The following MESD variants were observed in gnomAD, a reference collection of about 807,000 sequenced individuals.
MESD encodes LRP chaperone MESD.
Under a neutral mutation model 12.9 loss-of-function variants are expected in MESD, and 7 were observed. The observed-to-expected ratio is 0.54, with a 90% confidence interval of 0.31 to 1.02. MESD has a LOEUF of 1.02. MESD is among the 50% of genes least tolerant of loss of function. MESD has a pLI of 0.05. For missense variants in MESD, 342 were observed against 296.7 expected, an observed-to-expected ratio of 1.15 and a Z score of -1.12; for synonymous variants, 126 against 115.6, an observed-to-expected ratio of 1.09 and a Z score of -0.58.
At chr15:80,982,828 C>G (rs28562234) in intron 1 of MESD, among the ~76,000 whole-genome samples, 9,519 of 152,178 alleles carry the variant, frequency 0.063, 368 homozygotes, top group Middle Eastern at 0.18. Context: ...ACCTTGTAAT[C>G]CCAGCACTTT....
chr15:80,963,745 T>C (rs529195469), intron 3 of MESD, among the ~76,000 whole-genome samples: 6 of 152,070 alleles, frequency 3.9e-5, no homozygotes, highest in South Asian at 2.1e-4. Flanking sequence ...ATTATCTCAA[T>C]AGATGCAAAA....
intron 3 of MESD, among the ~76,000 whole-genome samples, chr15:80,960,064 G>T (rs1369524687): frequency 6.6e-6 from 1 of 152,086 alleles, no homozygotes; most frequent in African/African-American, 2.4e-5. Context: ...GAACAAAGGG[G>T]GTTTAAGACA....
At chr15:80,956,762 C>G (rs1042721444) in intron 3 of MESD, among the ~76,000 whole-genome samples, 10 of 152,090 alleles carry the variant, frequency 6.6e-5, no homozygotes, top group African/African-American at 2.4e-4. Context: ...ACAAGCAAAA[C>G]AGATACAAGG....
chr15:80,974,600 T>TAAA (rs201950219), downstream of MESD, among the ~76,000 whole-genome samples: 467 of 132,392 alleles, frequency 3.5e-3, 3 homozygotes, highest in Middle Eastern at 0.028. Flanking sequence ...GTATCAGAGC[T>TAAA]AAAAAAAAAA....
At chr15:80,981,809 C>G in intron 2 of MESD, 141 bp downstream of exon 2, 1 of 644,316 alleles carries the variant, frequency 1.6e-6, no homozygotes, top group Middle Eastern at 4.2e-4. Flanking sequence ...GAGCCGAGAT[C>G]ACGCCGCTGC....
At chr15:80,985,520 G>T (rs367665559) in intron 1 of MESD, among the ~76,000 whole-genome samples, 2 of 151,842 alleles carry the variant, frequency 1.3e-5, no homozygotes. Flanking sequence ...CCATAACATC[G>T]GTTATAGTCT....
chr15:80,989,398 G>A (rs1209424389), intron 1 of MESD, among the ~76,000 whole-genome samples, 181 bp downstream of exon 1: 1 of 152,152 alleles, frequency 6.6e-6, no homozygotes, highest in African/African-American at 2.4e-5. Flanking sequence ...GGGTCAGCAG[G>A]GCGCGCGGGT....
chr15:80,959,059 G>C (rs767480708), intron 3 of MESD, among the ~76,000 whole-genome samples: 1 of 152,250 alleles, frequency 6.6e-6, no homozygotes, highest in African/African-American at 2.4e-5. Context: ...GGCTCCAAGA[G>C]AACCCCTCTT....
chr15:80,989,431 C>T, intron 1 of MESD, 148 bp downstream of exon 1: 1 of 944,026 alleles, frequency 1.1e-6, no homozygotes, highest in South Asian at 1.6e-5. Flanking sequence ...GGAGGGTCAA[C>T]AGTGGCTTCA....
chr15:80,982,759 G>A (rs1375112207), intron 1 of MESD, among the ~76,000 whole-genome samples: 4 of 152,162 alleles, frequency 2.6e-5, no homozygotes, highest in Non-Finnish European at 4.4e-5. Context: ...TGACAGGGGT[G>A]TAGATTACAC....
At chr15:80,955,616 C>CGTGTGTGTGTGT (rs536028552) in intron 3 of MESD, among the ~76,000 whole-genome samples, 5,530 of 144,916 alleles carry the variant, frequency 0.038, 122 homozygotes, top group Middle Eastern at 0.1. Flanking sequence ...TGTGTTTGTG[C>CGTGTGTGTGTGT]GTGTGTGTGT....
chr15:80,955,538 C>T (rs1383164340), intron 3 of MESD, among the ~76,000 whole-genome samples: 1 of 150,726 alleles, frequency 6.6e-6, no homozygotes, highest in Admixed American at 6.6e-5. Context: ...CCCAGATCAG[C>T]TGAATCAGAA....
At chr15:80,968,458 C>T (rs73507436) in intron 3 of MESD, among the ~76,000 whole-genome samples, 3,829 of 152,280 alleles carry the variant, frequency 0.025, 170 homozygotes, top group African/African-American at 0.087. Flanking sequence ...CCCCTACAAG[C>T]TTCTGTCTAG....
At chr15:80,956,282 A>T (rs1901982543) in intron 3 of MESD, among the ~76,000 whole-genome samples, 1 of 152,224 alleles carries the variant, frequency 6.6e-6, no homozygotes. Context: ...AGCTATGATG[A>T]CATGAAGTGT....
chr15:80,960,809 C>T (rs1450290395), intron 3 of MESD, among the ~76,000 whole-genome samples: 1 of 152,126 alleles, frequency 6.6e-6, no homozygotes, highest in Non-Finnish European at 1.5e-5. Context: ...AATTCTACAC[C>T]CTTCTCTGCC....
intron 1 of MESD, 47 bp downstream of exon 1, chr15:80,989,532 G>A: frequency 1.9e-6 from 3 of 1,582,024 alleles, no homozygotes; most frequent in Non-Finnish European, 2.6e-6. Flanking sequence ...ATAGGGAACA[G>A]GGTCCCGCAC....
rs775882244 is a variant in MESD at position 80,982,039 on chromosome 15, A to G, written c.357T>C (p.Thr119=). Residue 119 remains threonine, a synonymous_variant, in exon 2 of 3, where the codon ACT becomes ACC. Coordinates refer to ENST00000261758, the MANE Select transcript of MESD (RefSeq NM_015154.3). ...CCTTCTCAGTAGGGCTTCCTGATAC[A>G]GTGACAAACATCATGAGAGTCTTCC... ...KKGKTLMMFV[T]VSGSPTEKET... 39 of 1,614,028 alleles carry G rather than the reference A, an allele frequency of 2.4e-5. No homozygotes were observed. Among genetic ancestry groups the G allele is most frequent in the Non-Finnish European group, 3.1e-5 (36 of 1,180,038 alleles).
rs955246479 is a variant in MESD, at chr15:80,976,132, G to C, written c.*3087C>G. On this transcript the variant is annotated 3_prime_UTR_variant, in exon 3 of 3. Transcript: ENST00000261758. ...TCCTGCCTCAGCCACCTGAGTAGCT[G>C]GGATTACAGGCCCGCACCACCACAC... 11 of 152,536 alleles carry C rather than the reference G, an allele frequency of 7.2e-5. No individual in the cohort carries two copies. Among genetic ancestry groups the C allele is most frequent in the African/African-American group, 2.4e-4 (10 of 41,564 alleles). The allele number at this position is 152,536 out of a possible 1,614,324, so 9.4% of individuals were successfully genotyped here. A position where few individuals can be genotyped will look rare whatever the true frequency, so the allele number is the denominator to read the frequency against.
In MESD at chr15:80,975,824, C is replaced by A. The variant is rs1292091723; in HGVS notation, c.*3395G>T. 2 of 151,996 alleles carry A rather than the reference C, an allele frequency of 1.3e-5. No individual in the cohort carries two copies. Among genetic ancestry groups the A allele is most frequent in the African/African-American group, 4.8e-5 (2 of 41,360 alleles). The allele number at this position is 151,996 out of a possible 1,614,324, so 9.4% of individuals were successfully genotyped here. ...AAAACAAACAAGACAAAAAGGAAGA[C>A]AAATTCATTAAAAACAGGACATTTC... On this transcript the variant is annotated 3_prime_UTR_variant, in exon 3 of 3. Transcript: ENST00000261758.
Sources: gnomAD v4.1 joint callset for allele counts (sites outside exome capture counted in the v4.1 genomes callset) on GRCh38, gnomAD v4.1.1 for gene constraint, MANE v1.5 for transcripts, NCBI Gene and HGNC (gene_info 2026-07-23, HGNC 2026-07-21) for gene names.